COX15: variants seen among roughly 807,000 people sequenced by gnomAD.
COX15 encodes heme A synthase COX15.
Under a neutral mutation model 51.9 loss-of-function variants are expected in COX15, and 51 were observed. The ratio of observed to expected loss-of-function variants is 0.98; its 90% CI spans 0.78 to 1.24. The LOEUF is 1.24. COX15 is among the 50% of genes most tolerant of loss of function. The pLI is 0.00. For synonymous variants in COX15, 188 were observed against 190.5 expected, an observed-to-expected ratio of 0.99 and a Z score of 0.11; for missense variants, 420 against 501.1, an observed-to-expected ratio of 0.84 and a Z score of 1.55.
In COX15 at chr10:99,711,845, T is replaced by C; in HGVS notation, c.*2742A>G. 1.0e-6 allele frequency: 1 copy of C among 983,294 alleles called. No homozygotes were observed. The highest frequency in any genetic ancestry group is 1.2e-6 in the Non-Finnish European group (1 of 828,022). The allele number at this position is 983,294 out of a possible 1,614,324, so 60.9% of individuals were successfully genotyped here. On this transcript the variant is annotated 3_prime_UTR_variant, in exon 9 of 9. Transcript: ENST00000016171. The stretch of plus-strand genomic sequence containing the variant: ...ATTGCTATAAGGAAATACTGACAAT[T>C]TTTAGAAAGAAAAGAGGTTTATTTG...
chr10:99,701,002 A>C, the COX15 span: 1 of 1,614,156 alleles, frequency 6.2e-7, no homozygotes, highest in Non-Finnish European at 8.5e-7. Context: ...GGTCGGTACT[A>C]ACTCAGAGAT....
chr10:99,725,709 G>A (rs569019299), intron 4 of COX15, among the ~76,000 whole-genome samples: 49 of 152,238 alleles, frequency 3.2e-4, no homozygotes, highest in East Asian at 9.7e-4. Context: ...ACAGGCCCAC[G>A]CCAGCATGCC....
chr10:99,710,195 G>A (rs2036337792), downstream of COX15: 2 of 985,272 alleles, frequency 2.0e-6, no homozygotes, highest in African/African-American at 1.7e-5. Flanking sequence ...CTCCTACAGA[G>A]CACTTGCCGG....
intron 6 of COX15, 81 bp downstream of exon 6, chr10:99,720,906 A>G: frequency 9.7e-7 from 1 of 1,026,606 alleles, no homozygotes; most frequent in Non-Finnish European, 1.5e-6. Context: ...AAGATGCAGG[A>G]GGAAGGGGCA....
rs1280328978 is a variant in COX15 at position 99,721,050 on chromosome 10, G to T, written c.769C>A (p.Leu257Ile). Reference sequence around the variant, plus strand: ...TGAGCAAATCGTCTCAACTGTAGGAGTTGGTGGGTTTCAGGCAACTAAATA... The same window carrying T: ...TGAGCAAATCGTCTCAACTGTAGGATTTGGTGGGTTTCAGGCAACTAAATA... ...PPHKLPETHQLLQLRRFAHGT... is the reference protein window; with the variant it reads ...PPHKLPETHQILQLRRFAHGT... Residue 257 changes from leucine (L) to isoleucine (I), a missense_variant, in exon 6 of 9, where the codon CTC (leucine) becomes ATC (isoleucine). By Grantham distance (5) the Leu-to-Ile change is conservative. Transcript: ENST00000016171. The T allele has an allele frequency of 6.2e-7, 1 of 1,613,330 alleles. No homozygotes were observed. The highest frequency in any genetic ancestry group is 1.3e-5 in the African/African-American group (1 of 74,874).
At chr10:99,698,729 C>G in the COX15 span, 9 of 1,614,224 alleles carry the variant, frequency 5.6e-6, no homozygotes, top group Non-Finnish European at 7.6e-6. Context: ...CACTCAATGG[C>G]ATATATCAAT....
intron 6 of COX15, among the ~76,000 whole-genome samples, chr10:99,718,794 T>G (rs1204380754): frequency 2.0e-5 from 3 of 151,978 alleles, no homozygotes; most frequent in Non-Finnish European, 4.4e-5. Context: ...CTTAGAAAAA[T>G]TCCCTTAGTG....
At chr10:99,727,984 T>C (rs1172466862) in intron 2 of COX15, among the ~76,000 whole-genome samples, 1 of 152,332 alleles carries the variant, frequency 6.6e-6, no homozygotes, top group South Asian at 2.1e-4. Flanking sequence ...TTCAAATTTG[T>C]TTCACTTGCT....
chr10:99,716,888 C>G (rs766579763), intron 7 of COX15, among the ~76,000 whole-genome samples: 2 of 152,004 alleles, frequency 1.3e-5, no homozygotes, highest in Non-Finnish European at 2.9e-5. Flanking sequence ...GTGCTGCCAG[C>G]TGGTGCTAAA....
At chr10:99,706,449 A>G (rs1187153209), downstream of COX15, among the ~76,000 whole-genome samples, 4 of 151,804 alleles carry the variant, frequency 2.6e-5, no homozygotes, top group Admixed American at 6.6e-5. Flanking sequence ...AGTCCTCCCA[A>G]CTCAGACTCC....
the COX15 span, chr10:99,695,960 A>C: frequency 6.2e-7 from 1 of 1,612,550 alleles, no homozygotes; most frequent in South Asian, 1.1e-5. Context: ...TTATAGGAAG[A>C]AGCTGCCAAG....
intron 4 of COX15, among the ~76,000 whole-genome samples, chr10:99,724,938 C>T (rs2036902528): frequency 6.6e-6 from 1 of 152,192 alleles, no homozygotes; most frequent in Non-Finnish European, 1.5e-5. Context: ...TCCCACTCCG[C>T]TTTAAGCAAA....
the COX15 span, chr10:99,698,067 C>T: frequency 1.0e-5 from 2 of 193,990 alleles, no homozygotes; most frequent in African/African-American, 2.4e-5. Context: ...CAGAGGCAGG[C>T]ATGGGCTCCA....
At position 99,714,530 on chromosome 10, in the gene COX15, G is replaced by C; in HGVS notation, c.*57C>G. 6.2e-7 allele frequency: 1 copy of C among 1,612,690 alleles called. No individual in the cohort carries two copies. Among genetic ancestry groups the C allele is most frequent in the South Asian group, 1.1e-5 (1 of 90,824 alleles). The stretch of plus-strand genomic sequence containing the variant: ...CTCGTAGAAAAGCCCAAGTTCTTAT[G>C]ATCTCTGAAGAGCTCTCAAAAGCAG... On this transcript the variant is annotated 3_prime_UTR_variant, in exon 9 of 9. Transcript: ENST00000016171.
Position 99,713,632 on chromosome 10 carries a change from G to A in COX15, c.*955C>T, listed in dbSNP as rs557414294. 3.1e-5 allele frequency: 34 copies of A among 1,098,568 alleles called. No individual in the cohort carries two copies. Among genetic ancestry groups the A allele is most frequent in the Non-Finnish European group, 4.3e-5 (33 of 766,452 alleles). 68.1% of individuals were successfully genotyped at this position (1,098,568 alleles called of 1,614,324 possible). On this transcript the variant is annotated 3_prime_UTR_variant, in exon 9 of 9. Coordinates refer to ENST00000016171, the MANE Select transcript of COX15 (RefSeq NM_078470.6). The stretch of plus-strand genomic sequence containing the variant: ...CTCTCAGGAACCAATTTATACTGTC[G>A]ATTCCATTCCTCTCTCTGACCTTGT...
chr10:99,713,494 T>TA lies in COX15; in HGVS notation c.*1092dup. On this transcript the variant is annotated 3_prime_UTR_variant, in exon 9 of 9. Coordinates refer to ENST00000016171, the MANE Select transcript of COX15 (RefSeq NM_078470.6). ...AAGACAGGGCCCTATGAAATATCAA[T>TA]AGAGACCAAAATCACATTAATTCAG... 1.2e-6 allele frequency: 2 copies of TA among 1,609,242 alleles called. No individual in the cohort carries two copies.
In COX15 at chr10:99,727,077, A is replaced by T. The variant is rs536753198; in HGVS notation, c.473T>A (p.Leu158His). ...MEYSHRMWGRLVGLVYILPAA... is the reference protein window; with the variant it reads ...MEYSHRMWGRHVGLVYILPAA... ...AGGCAGGATGTACACAAGGCCTACA[A>T]GGCGACCCCACATTCGGTGTGAGTA... Residue 158 changes from leucine to histidine, a missense_variant, in exon 4 of 9, where the codon CTT becomes CAT. Leu to His is a moderately conservative substitution (Grantham distance 99, BLOSUM62 -3). Transcript: ENST00000016171. The T allele has an allele frequency of 2.5e-6, 4 of 1,614,208 alleles. No individual in the cohort carries two copies. The highest frequency in any genetic ancestry group is 3.4e-6 in the Non-Finnish European group (4 of 1,180,030).
intron 6 of COX15, 138 bp downstream of exon 6, chr10:99,720,849 G>GA: frequency 2.7e-6 from 2 of 750,404 alleles, no homozygotes; most frequent in African/African-American, 1.7e-5. Flanking sequence ...ACAGGAAACA[G>GA]GGTGAAGATG....
downstream of COX15, chr10:99,710,820 T>C (rs1590074452): frequency 1.0e-6 from 1 of 985,426 alleles, no homozygotes; most frequent in Non-Finnish European, 1.2e-6. Flanking sequence ...CTACAATAGA[T>C]AGTATTTGTC....
Sources: gnomAD v4.1 joint callset for allele counts (sites outside exome capture counted in the v4.1 genomes callset) on GRCh38, gnomAD v4.1.1 for gene constraint, MANE v1.5 for transcripts, NCBI Gene and HGNC (gene_info 2026-07-23, HGNC 2026-07-21) for gene names.